DLG2: variants seen among roughly 807,000 people sequenced by gnomAD.
DLG2 encodes disks large homolog 2.
In DLG2, 45 loss-of-function variants were observed where a neutral mutation model predicts 132.5. The observed-to-expected ratio is 0.34, with a 90% CI of 0.27 to 0.44. The LOEUF (loss-of-function observed/expected upper bound fraction) is 0.44, where lower values mean the gene tolerates loss of function less well. Among genes scored for constraint, DLG2 ranks in the 20% least tolerant of loss-of-function variants. The probability of loss-of-function intolerance (pLI) is 1.00; values close to 1 mark genes in which losing one functional copy is unlikely to be tolerated. For missense variants in DLG2, 1,045 were observed against 1,196.9 expected (o/e 0.87, Z 1.87); for synonymous variants, 424 against 419.6 (o/e 1.01, Z -0.13).
At chr11:84,996,972 A>G (rs1270153251) in intron 6 of DLG2, among the ~76,000 whole-genome samples, 3 of 152,296 alleles carry the variant, frequency 2.0e-5, no homozygotes, top group Non-Finnish European at 4.4e-5. Context: ...AAGTTAAGAA[A>G]TGCCTTGAAT....
chr11:85,217,578 T>A (rs1329095244), intron 4 of DLG2, among the ~76,000 whole-genome samples: 1 of 152,230 alleles, frequency 6.6e-6, no homozygotes, highest in South Asian at 2.1e-4. Context: ...GAGATTCTAC[T>A]ATGCTGTCTT....
chr11:84,794,416 G>T (rs1040449843), intron 6 of DLG2, among the ~76,000 whole-genome samples: 2 of 152,180 alleles, frequency 1.3e-5, no homozygotes, highest in Non-Finnish European at 2.9e-5. Flanking sequence ...GTGGGAGCTG[G>T]GAACAGGCAG....
chr11:83,753,850 TATC>T (rs1292299201), intron 18 of DLG2, among the ~76,000 whole-genome samples: 1 of 8,892 alleles, frequency 1.1e-4, no homozygotes, highest in Non-Finnish European at 1.7e-4. Flanking sequence ...ATATCATATA[TATC>T]ATATATATAT....
At chr11:84,244,852 C>G (rs778770169) in intron 8 of DLG2, among the ~76,000 whole-genome samples, 1 of 152,182 alleles carries the variant, frequency 6.6e-6, no homozygotes, top group Non-Finnish European at 1.5e-5. Flanking sequence ...TTCAAAGGAA[C>G]ACACATATTT....
intron 6 of DLG2, among the ~76,000 whole-genome samples, chr11:84,622,893 T>C (rs2099616312): frequency 6.6e-6 from 1 of 152,154 alleles, no homozygotes; most frequent in South Asian, 2.1e-4. Context: ...CTCAAAGCTC[T>C]TTCAAATCTA....
chr11:83,907,676 A>G (rs1238569151), intron 15 of DLG2, among the ~76,000 whole-genome samples: 1 of 152,168 alleles, frequency 6.6e-6, no homozygotes, highest in East Asian at 1.9e-4. Context: ...GTCAGTTATT[A>G]TTATTAATAT....
intron 11 of DLG2, among the ~76,000 whole-genome samples, chr11:84,038,955 A>G (rs760147643): frequency 2.0e-4 from 31 of 152,084 alleles, no homozygotes; most frequent in Admixed American, 4.6e-4. Context: ...AACTTCCCTC[A>G]TGATTCAATT....
At chr11:84,498,360 G>A (rs1468628330) in intron 7 of DLG2, among the ~76,000 whole-genome samples, 1 of 152,110 alleles carries the variant, frequency 6.6e-6, no homozygotes, top group East Asian at 1.9e-4. Context: ...GGCGAAGCAT[G>A]TGGGTTCAGG....
chr11:83,554,571 A>G (rs2096475644), intron 19 of DLG2, among the ~76,000 whole-genome samples: 1 of 152,252 alleles, frequency 6.6e-6, no homozygotes, highest in Admixed American at 6.5e-5. Flanking sequence ...TAAGGGATGC[A>G]ATAATGATTT....
chr11:84,318,464 C>A (rs776150092), intron 7 of DLG2, among the ~76,000 whole-genome samples: 1 of 152,030 alleles, frequency 6.6e-6, no homozygotes, highest in African/African-American at 2.4e-5. Flanking sequence ...ATCTGTAGAC[C>A]ATCAGATGCC....
intron 17 of DLG2, among the ~76,000 whole-genome samples, chr11:83,816,984 A>G (rs2153974167): frequency 1.2e-5 from 1 of 82,402 alleles, no homozygotes; most frequent in East Asian, 3.0e-4. Context: ...TATACTGCCC[A>G]TGCATTGTTG....
At chr11:84,141,857 T>C (rs1233867044) in intron 9 of DLG2, among the ~76,000 whole-genome samples, 2 of 152,168 alleles carry the variant, frequency 1.3e-5, no homozygotes, top group African/African-American at 2.4e-5. Flanking sequence ...CTGGAAACTT[T>C]AGTTTTCTAA....
chr11:84,058,493 C>T (rs2096539187), intron 11 of DLG2, among the ~76,000 whole-genome samples: 1 of 74,174 alleles, frequency 1.3e-5, no homozygotes, highest in Non-Finnish European at 3.3e-5. Context: ...CTGTCTCTAC[C>T]AAAAAACAAA....
Position 84,012,571 on chromosome 11 carries a change from A to G in DLG2, c.920-31929T>C, listed in dbSNP as rs569206502. Among the ~76,000 whole-genome samples, 131 of 152,264 alleles carry G rather than the reference A, an allele frequency of 8.6e-4. 1 individual carries two copies. In the Middle Eastern group the frequency reaches 0.014, roughly 16 times the overall value. ...TTCTCTCCAGTTTACCAGGGAGACT[A>G]TGAGATTGTGGCTTGTTTCTGCTTT... On this transcript the variant is annotated intron_variant, in intron 11 of 27. Transcript: ENST00000376104.
At chr11:84,376,213 C>CA (rs1347786713) in intron 7 of DLG2, among the ~76,000 whole-genome samples, 1 of 151,828 alleles carries the variant, frequency 6.6e-6, no homozygotes, top group Non-Finnish European at 1.5e-5. Context: ...TTATTATTAG[C>CA]ATGACTTAAA....
intron 6 of DLG2, among the ~76,000 whole-genome samples, chr11:84,822,968 G>A (rs1040085946): frequency 9.2e-5 from 14 of 151,742 alleles, no homozygotes; most frequent in African/African-American, 3.4e-4. Context: ...AAGTAGTTTT[G>A]ATATATCAGT....
intron 16 of DLG2, among the ~76,000 whole-genome samples, chr11:83,868,777 T>A (rs877984): frequency 0.56 from 84,262 of 151,792 alleles, 23,585 homozygotes; most frequent in Middle Eastern, 0.62. Context: ...TCAGTATATT[T>A]ATCAGCATGT....
intron 18 of DLG2, among the ~76,000 whole-genome samples, chr11:83,773,654 C>G (rs1175007358): frequency 1.3e-5 from 2 of 152,178 alleles, no homozygotes; most frequent in African/African-American, 4.8e-5. Flanking sequence ...AGTTAACTAA[C>G]AGAACTCCCA....
intron 6 of DLG2, among the ~76,000 whole-genome samples, chr11:84,682,426 A>AT (rs2099733573): frequency 6.6e-6 from 1 of 152,188 alleles, no homozygotes; most frequent in African/African-American, 2.4e-5. Context: ...GGCAAGGAAT[A>AT]TTTTGGTTCT....
Sources: gnomAD v4.1 joint callset for allele counts (sites outside exome capture counted in the v4.1 genomes callset) on GRCh38, gnomAD v4.1.1 for gene constraint, MANE v1.5 for transcripts, NCBI Gene and HGNC (gene_info 2026-07-23, HGNC 2026-07-21) for gene names.